Variants in ARHGEF4 observed in about 807,000 individuals in gnomAD.
The protein encoded by ARHGEF4 is Rho guanine nucleotide exchange factor 4, also known as APC-stimulated guanine nucleotide exchange factor 1.
ARHGEF4 carries 119 observed loss-of-function variants against 162.0 expected under a neutral mutation model. The observed-to-expected ratio is 0.73, with a 90% CI of 0.63 to 0.86. The LOEUF is 0.86. Among genes scored for constraint, ARHGEF4 ranks in the 40% least tolerant of loss-of-function variants. The probability of loss-of-function intolerance (pLI) is 0.00; values close to 1 mark genes in which losing one functional copy is unlikely to be tolerated. For synonymous variants in ARHGEF4, 1,014 were observed against 979.9 expected (o/e 1.03, Z -0.65); for missense variants, 2,488 against 2,456.0 (o/e 1.01, Z -0.28).
At chr2:130,902,168 G>T (rs1680521047) in intron 1 of ARHGEF4, among the ~76,000 whole-genome samples, 1 of 152,130 alleles carries the variant, frequency 6.6e-6, no homozygotes, top group African/African-American at 2.4e-5. Flanking sequence ...TTGTCACTTA[G>T]TCACCTCTAT....
chr2:130,975,533 T>C (rs996578565), intron 4 of ARHGEF4, among the ~76,000 whole-genome samples: 1 of 152,098 alleles, frequency 6.6e-6, no homozygotes, highest in African/African-American at 2.4e-5. Context: ...ACCCAGCCCA[T>C]CTTATGCCTG....
intron 4 of ARHGEF4, among the ~76,000 whole-genome samples, chr2:131,012,232 T>G (rs1312469289): frequency 6.6e-6 from 1 of 151,728 alleles, no homozygotes; most frequent in Non-Finnish European, 1.5e-5. Flanking sequence ...GTGGAGAGGG[T>G]TGGGCATTGA....
chr2:130,904,097 T>C (rs79589855), intron 1 of ARHGEF4, among the ~76,000 whole-genome samples: 2,066 of 152,322 alleles, frequency 0.014, 51 homozygotes, highest in African/African-American at 0.048. Context: ...ATCTCCAAAC[T>C]GCTCTCCACA....
intron 1 of ARHGEF4, among the ~76,000 whole-genome samples, chr2:130,837,304 C>T (rs1032111906): frequency 2.6e-5 from 4 of 152,024 alleles, no homozygotes; most frequent in African/African-American, 7.2e-5. Flanking sequence ...CCTGGACCGT[C>T]CTGGGCGCGC....
In ARHGEF4 at chr2:131,047,209, G is replaced by C. The variant is rs1691329173; in HGVS notation, c.*1020G>C. ...CACTCTTGCACTATTCCTTCTCCAAGCCAGAAACCACATTTAATTTCATAA... is the reference window on the plus strand; with the variant it reads ...CACTCTTGCACTATTCCTTCTCCAACCCAGAAACCACATTTAATTTCATAA... On this transcript the variant is annotated 3_prime_UTR_variant, in exon 14 of 14. Coordinates refer to ENST00000409359, the MANE Select transcript of ARHGEF4 (RefSeq NM_001367493.1). 1 of 152,256 alleles carries C rather than the reference G, an allele frequency of 6.6e-6. No homozygotes were observed. Among genetic ancestry groups the C allele is most frequent in the Admixed American group, 6.5e-5 (1 of 15,284 alleles). The allele number at this position is 152,256 out of a possible 1,614,324, so 9.4% of individuals were successfully genotyped here.
chr2:130,991,743 C>T (rs1350624523), intron 4 of ARHGEF4, among the ~76,000 whole-genome samples: 2 of 152,236 alleles, frequency 1.3e-5, no homozygotes, highest in Non-Finnish European at 2.9e-5. Flanking sequence ...CCATGGATTC[C>T]TGTGCAGCCC....
intron 13 of ARHGEF4, 141 bp from the exon 14 acceptor site, chr2:131,045,897 G>A: frequency 6.7e-7 from 1 of 1,492,218 alleles, no homozygotes; most frequent in South Asian, 1.4e-5. Context: ...CAGCTCTCCA[G>A]GAGCAAGTCC....
At chr2:130,995,230 CTCTG>C (rs771445812) in intron 4 of ARHGEF4, among the ~76,000 whole-genome samples, 92 of 152,320 alleles carry the variant, frequency 6.0e-4, no homozygotes, top group Non-Finnish European at 1.1e-3. Flanking sequence ...GTCCTTTTGT[CTCTG>C]TCTGTTTTTC....
intron 4 of ARHGEF4, among the ~76,000 whole-genome samples, chr2:131,017,569 A>T (rs1363256055): frequency 6.6e-6 from 1 of 152,214 alleles, no homozygotes; most frequent in Non-Finnish European, 1.5e-5. Context: ...ACTACTGAAA[A>T]GCCAAGAAAA....
chr2:130,871,809 T>C (rs918449694), intron 1 of ARHGEF4, among the ~76,000 whole-genome samples: 5 of 152,116 alleles, frequency 3.3e-5, no homozygotes, highest in African/African-American at 1.2e-4. Flanking sequence ...TAATGAAAAA[T>C]CAAGCACTTT....
intron 1 of ARHGEF4, among the ~76,000 whole-genome samples, chr2:130,844,493 T>C (rs1680815995): frequency 6.6e-6 from 1 of 152,240 alleles, no homozygotes; most frequent in Non-Finnish European, 1.5e-5. Flanking sequence ...GCCACGTTTG[T>C]ACCACAGGGG....
chr2:130,936,065 C>CA (rs138097945), intron 3 of ARHGEF4, among the ~76,000 whole-genome samples: 2,217 of 146,638 alleles, frequency 0.015, 21 homozygotes, highest in Middle Eastern at 0.034. Context: ...AACTCCACCT[C>CA]AAAAAAAAAA....
rs774921903 is a variant in ARHGEF4 at position 131,040,208 on chromosome 2, C to T, written c.4482+16C>T. On this transcript the variant is annotated intron_variant, in intron 7 of 13. Coordinates refer to ENST00000409359, the MANE Select transcript of ARHGEF4 (RefSeq NM_001367493.1). ...CATCTGCGAGGTGAGGCCCGGCCGG[C>T]GGGCGGTGACTGGGGACCCGGTCGG... The T allele has an allele frequency of 6.2e-7, 1 of 1,608,306 alleles. No homozygotes were observed. Among genetic ancestry groups the T allele is most frequent in the Non-Finnish European group, 8.5e-7 (1 of 1,176,600 alleles).
At chr2:130,940,896 G>T (rs183723927) in intron 3 of ARHGEF4, among the ~76,000 whole-genome samples, 29 of 151,732 alleles carry the variant, frequency 1.9e-4, no homozygotes, top group Admixed American at 6.6e-5. Context: ...TAGTGAGCAG[G>T]TGCCTGGTGG....
At chr2:130,852,707 C>T (rs986390982) in intron 1 of ARHGEF4, among the ~76,000 whole-genome samples, 1 of 152,210 alleles carries the variant, frequency 6.6e-6, no homozygotes, top group Non-Finnish European at 1.5e-5. Flanking sequence ...GAAAGCCGAG[C>T]AGGACTGAGG....
intron 12 of ARHGEF4, 63 bp downstream of exon 12, chr2:131,044,605 G>A: frequency 1.3e-6 from 2 of 1,514,666 alleles, no homozygotes. Flanking sequence ...CGCCTGCCTG[G>A]CCGCCTGCCG....
rs138075699 is a variant in ARHGEF4 at position 131,018,114 on chromosome 2, A to G, written c.3986-9831A>G. On this transcript the variant is annotated intron_variant, in intron 4 of 13. Transcript: ENST00000409359. ...CCCACAGAAAACAAGACTATTTGGT[A>G]TGAGAGGTGGATGAACACATTGATC... is the stretch of plus-strand genomic sequence containing the variant. Among the ~76,000 whole-genome samples the G allele has an allele frequency of 6.9e-4, 105 of 152,356 alleles. 1 individual carries two copies. The East Asian group carries it at 0.018, about 27-fold the overall frequency.
chr2:131,039,855 G>C (rs1351363602), intron 6 of ARHGEF4, 161 bp from the exon 7 acceptor site: 1 of 1,428,800 alleles, frequency 7.0e-7, no homozygotes, highest in Non-Finnish European at 9.1e-7. Flanking sequence ...TCCAGGACTT[G>C]CGTGGGTGGC....
At chr2:130,887,540 A>G (rs1679594456) in intron 1 of ARHGEF4, among the ~76,000 whole-genome samples, 1 of 152,068 alleles carries the variant, frequency 6.6e-6, no homozygotes, top group Non-Finnish European at 1.5e-5. Flanking sequence ...TGCAACATTC[A>G]TCATGATACC....
Sources: gnomAD v4.1 joint callset for allele counts (sites outside exome capture counted in the v4.1 genomes callset) on GRCh38, gnomAD v4.1.1 for gene constraint, MANE v1.5 for transcripts, NCBI Gene and HGNC (gene_info 2026-07-23, HGNC 2026-07-21) for gene names.